Variants in HEBP1 observed in about 807,000 individuals in gnomAD.
HEBP1 encodes heme binding protein 1, also known as heme-binding protein 1.
Under a neutral mutation model 20.4 loss-of-function variants are expected in HEBP1, and 13 were observed. The observed-to-expected ratio is 0.64, with a 90% CI of 0.42 to 1.01. The LOEUF is 1.01. Ranked by LOEUF, HEBP1 falls within the 50% of genes least tolerant of loss-of-function variation. The pLI, the probability that HEBP1 is intolerant of heterozygous loss-of-function variation, is 0.00. For missense variants in HEBP1, 241 were observed against 247.3 expected (o/e 0.97, Z 0.17); for synonymous variants, 92 against 90.7 (o/e 1.01, Z -0.08).
Position 12,987,207 on chromosome 12 carries a change from G to A in HEBP1, c.343C>T (p.Pro115Ser). 1.2e-6 allele frequency: 2 copies of A among 1,614,114 alleles called. No homozygotes were observed. The highest frequency in any genetic ancestry group is 1.7e-6 in the Non-Finnish European group (2 of 1,180,020). ...PNQFQSDPPA[P>S]SDKSVKIEER... ...TCAATCTTAACGCTTTTGTCACTGG[G>A]AGCTGGTGGGTCGCTTTGAAATTGG... is the stretch of plus-strand genomic sequence containing the variant. Residue 115 changes from proline (P) to serine (S), a missense_variant, in exon 3 of 4, where the codon CCC becomes TCC. Coordinates refer to ENST00000014930, the MANE Select transcript of HEBP1 (RefSeq NM_015987.5).
At chr12:12,993,139 C>CTCCT (rs1426483440) in intron 1 of HEBP1, among the ~76,000 whole-genome samples, 1 of 52,208 alleles carries the variant, frequency 1.9e-5, no homozygotes, top group Non-Finnish European at 5.7e-5. Flanking sequence ...CCCTCCCTCC[C>CTCCT]TCCCTCCCTT....
chr12:12,979,241 G>A (rs920915441), intron 3 of HEBP1, among the ~76,000 whole-genome samples: 7 of 152,168 alleles, frequency 4.6e-5, no homozygotes, highest in South Asian at 2.1e-4. Flanking sequence ...AATTCACTCC[G>A]GGAAAACCCC....
At chr12:12,979,963 C>T (rs1864054304) in intron 3 of HEBP1, 1 of 152,150 alleles carries the variant, frequency 6.6e-6, no homozygotes. Context: ...GGGCTTTCGT[C>T]CAAGGAAGCA....
chr12:13,000,138 G>A lies in HEBP1; in HGVS notation c.-24C>T. On this transcript the variant is annotated 5_prime_UTR_variant, in exon 1 of 4. Transcript: ENST00000014930. ...ATGTTGTAGCCGAGACGCTCCCGAC[G>A]CACGGGAGGACGTGAGGTGGCGGGG... 1.3e-6 allele frequency: 2 copies of A among 1,570,502 alleles called. No individual in the cohort carries two copies. Among genetic ancestry groups the A allele is most frequent in the Non-Finnish European group, 1.7e-6 (2 of 1,150,942 alleles).
intron 3 of HEBP1, among the ~76,000 whole-genome samples, chr12:12,982,611 G>T: frequency 6.6e-6 from 1 of 152,206 alleles, no homozygotes; most frequent in African/African-American, 2.4e-5. Context: ...CAACCTAGGT[G>T]CTGACAGCTG....
At position 12,998,567 on chromosome 12, in the gene HEBP1, A is replaced by T. The variant is rs1377383683; in HGVS notation, c.78+1470T>A. On this transcript the variant is annotated intron_variant, in intron 1 of 3. Transcript: ENST00000014930. This position sits in a 1 kb window ranked among gnomAD's most constrained non-coding sequence, Gnocchi z 4.2. ...GTATTCAAATGTGGGACCTCTGATCAGGGCTAAACTGTTCATTCTACATAG... is the reference window on the plus strand; with the variant it reads ...GTATTCAAATGTGGGACCTCTGATCTGGGCTAAACTGTTCATTCTACATAG... Among the ~76,000 whole-genome samples the T allele has an allele frequency of 6.6e-6, 1 of 152,186 alleles. No individual in the cohort carries two copies. Among genetic ancestry groups the T allele is most frequent in the East Asian group, 1.9e-4 (1 of 5,188 alleles).
At chr12:12,991,010 C>T (rs533217925) in intron 1 of HEBP1, among the ~76,000 whole-genome samples, 2 of 152,250 alleles carry the variant, frequency 1.3e-5, no homozygotes, top group East Asian at 3.9e-4. Context: ...CTCCCCAAGC[C>T]ACTACCTGCC....
chr12:12,982,031 C>A (rs1023465373), intron 3 of HEBP1, among the ~76,000 whole-genome samples: 1 of 152,142 alleles, frequency 6.6e-6, no homozygotes, highest in Non-Finnish European at 1.5e-5. Flanking sequence ...TTATGTTGCC[C>A]AGGCTGGTCT....
At chr12:12,987,389 C>A in intron 2 of HEBP1, 57 bp from the exon 3 acceptor site, 2 of 1,375,382 alleles carry the variant, frequency 1.5e-6, no homozygotes, top group Non-Finnish European at 2.0e-6. Context: ...TTGCTCAGGG[C>A]TGTGGAAGAC....
Position 12,975,329 on chromosome 12 carries a change from C to G in HEBP1, c.549G>C (p.Glu183Asp), listed in dbSNP as rs1941. 0.031 allele frequency: 50,658 copies of G among 1,613,802 alleles called. 920 individuals carry two copies. Among genetic ancestry groups the G allele is most frequent in the Admixed American group, 0.042 (2,523 of 59,992 alleles). ...TCACTCATGTCTTCAACAGCCAGAT[C>G]TCATTGCGCCGTCCGTAGGGCTTCA... The part of the protein sequence containing the change: ...PPMKPYGRRN[E>D]IWLLKT The change falls in exon 4 of 4, where the codon GAG (glutamate) becomes GAC (aspartate). Residue 183 changes from glutamate to aspartate, a missense_variant. Transcript: ENST00000014930.
intron 3 of HEBP1, chr12:12,980,318 C>G (rs1864061748): frequency 6.6e-6 from 1 of 152,122 alleles, no homozygotes; most frequent in East Asian, 1.9e-4. Context: ...CTCGAGAGCT[C>G]TAAGTGTGGT....
intron 1 of HEBP1, among the ~76,000 whole-genome samples, chr12:12,991,549 C>G (rs553302672): frequency 3.3e-5 from 5 of 152,320 alleles, no homozygotes; most frequent in African/African-American, 1.2e-4. Flanking sequence ...CCACAGCTCT[C>G]CTTCAGTACA....
chr12:12,995,971 G>T (rs1254021282), intron 1 of HEBP1, among the ~76,000 whole-genome samples: 1 of 152,226 alleles, frequency 6.6e-6, no homozygotes, highest in Non-Finnish European at 1.5e-5. Flanking sequence ...TATGGGATTT[G>T]TAAGTCCTTT....
Position 12,996,217 on chromosome 12 carries a change from A to G in HEBP1, c.78+3820T>C, listed in dbSNP as rs1287166425. ...TTTTCAGATGAAACTGGGGAACAAG[A>G]GGTTAAGTAACATGCCCAAACTGCA... On this transcript the variant is annotated intron_variant, in intron 1 of 3. Coordinates refer to ENST00000014930, the MANE Select transcript of HEBP1 (RefSeq NM_015987.5). The surrounding 1 kb of genome is among the most constrained non-coding windows in gnomAD (Gnocchi z 4.1). Among the ~76,000 whole-genome samples the G allele has an allele frequency of 6.6e-6, 1 of 152,232 alleles. No individual in the cohort carries two copies. The highest frequency in any genetic ancestry group is 1.5e-5 in the Non-Finnish European group (1 of 68,044).
At chr12:12,988,063 A>G (rs923605380) in intron 2 of HEBP1, among the ~76,000 whole-genome samples, 1 of 152,230 alleles carries the variant, frequency 6.6e-6, no homozygotes. Flanking sequence ...TAAATTACAG[A>G]CACATGATAC....
At chr12:12,999,265 AG>A (rs1317664284) in intron 1 of HEBP1, among the ~76,000 whole-genome samples, 1 of 152,258 alleles carries the variant, frequency 6.6e-6, no homozygotes, top group Non-Finnish European at 1.5e-5. Context: ...CCTATGATAT[AG>A]TTTAACTTTA....
intron 3 of HEBP1, among the ~76,000 whole-genome samples, chr12:12,975,945 C>T (rs539749473): frequency 6.6e-6 from 1 of 152,232 alleles, no homozygotes; most frequent in Admixed American, 6.5e-5. Context: ...GGCAGAGCTG[C>T]AGTGAGTATG....
At chr12:12,976,862 GA>G (rs542092922) in intron 3 of HEBP1, among the ~76,000 whole-genome samples, 292 of 152,334 alleles carry the variant, frequency 1.9e-3, no homozygotes, top group Non-Finnish European at 3.5e-3. Context: ...GAACATCCAG[GA>G]AAGACTTTTT....
intron 3 of HEBP1, chr12:12,977,586 A>C (rs1034854009): frequency 6.6e-6 from 1 of 152,248 alleles, no homozygotes; most frequent in African/African-American, 2.4e-5. Flanking sequence ...TCCTGTCTCC[A>C]AAACAAAAAC....
Sources: gnomAD v4.1 joint callset for allele counts (sites outside exome capture counted in the v4.1 genomes callset) on GRCh38, gnomAD v4.1.1 for gene constraint, Gnocchi (gnomAD v3.1) non-coding constraint, MANE v1.5 for transcripts, NCBI Gene and HGNC (gene_info 2026-07-23, HGNC 2026-07-21) for gene names.